The following MGST3 variants were observed in gnomAD, a reference collection of about 807,000 sequenced individuals.
MGST3 encodes glutathione S-transferase 3, mitochondrial.
MGST3 carries 13 observed loss-of-function variants against 15.8 expected under a neutral mutation model. That is an observed-to-expected ratio of 0.82 (90% CI 0.54 to 1.31). The LOEUF (loss-of-function observed/expected upper bound fraction) is 1.31. Ranked by LOEUF, MGST3 falls within the 50% of genes most tolerant of loss-of-function variation. The probability of loss-of-function intolerance (pLI) is 0.00; values close to 1 mark genes in which losing one functional copy is unlikely to be tolerated. For missense variants in MGST3, 155 were observed against 192.4 expected, an observed-to-expected ratio of 0.81 and a Z score of 1.15; for synonymous variants, 49 against 68.1, an observed-to-expected ratio of 0.72 and a Z score of 1.38.
In MGST3 at chr1:165,652,054, G is replaced by A; in HGVS notation, c.249+19G>A. On this transcript the variant is annotated intron_variant, in intron 4 of 5. Transcript: ENST00000367889. ...CCACCCGGTAAGTTTTCCAGGAGGT[G>A]TTCATCTATTTGGATAGTAGTTCAC... 1 of 1,585,316 alleles carries A rather than the reference G, an allele frequency of 6.3e-7. No homozygotes were observed. Among genetic ancestry groups the A allele is most frequent in the Non-Finnish European group, 8.7e-7 (1 of 1,154,034 alleles).
Position 165,645,527 on chromosome 1 carries a change from A to G in MGST3, c.-7-4314A>G, listed in dbSNP as rs563949889. On this transcript the variant is annotated intron_variant, in intron 1 of 5. Transcript: ENST00000367889. The stretch of plus-strand genomic sequence containing the variant: ...ACACTATAATGCTAAAAAGTATAGT[A>G]TAGTAACTACATAAACCAGTAACTG... The G allele has an allele frequency of 2.6e-5, 4 of 152,350 alleles. No individual in the cohort carries two copies. The South Asian group carries it at 8.3e-4, about 32-fold the overall frequency. The allele number at this position is 152,350 out of a possible 1,614,324, so 9.4% of individuals were successfully genotyped here. A position where few individuals can be genotyped will look rare whatever the true frequency, so the allele number is the denominator to read the frequency against.
chr1:165,651,403 T>C (rs1648550542), intron 3 of MGST3: 1 of 427,148 alleles, frequency 2.3e-6, no homozygotes. Flanking sequence ...GAAGAGGTTT[T>C]GAATGCTGTA....
chr1:165,654,174 C>G (rs4147605), intron 4 of MGST3, 105 bp from the exon 5 acceptor site: 247,535 of 1,127,548 alleles, frequency 0.22, 41,949 homozygotes, highest in East Asian at 0.83. Context: ...GCCAAATCAT[C>G]AAATTGTTAA....
intron 1 of MGST3, among the ~76,000 whole-genome samples, chr1:165,633,483 A>T (rs1557989644): frequency 6.6e-6 from 1 of 151,334 alleles, no homozygotes; most frequent in African/African-American, 2.4e-5. Flanking sequence ...TAATTTTTTT[A>T]TTTTTTTATT....
intron 4 of MGST3, 83 bp downstream of exon 4, chr1:165,652,118 T>G: frequency 1.0e-6 from 1 of 982,954 alleles, no homozygotes. Flanking sequence ...AATAAACATT[T>G]AATGAATATC....
chr1:165,645,376 A>G (rs903147197), intron 1 of MGST3, among the ~76,000 whole-genome samples: 4 of 152,118 alleles, frequency 2.6e-5, no homozygotes, highest in African/African-American at 9.7e-5. Flanking sequence ...GGAAGGTCAC[A>G]TGGACACACC....
intron 1 of MGST3, among the ~76,000 whole-genome samples, chr1:165,632,522 A>T (rs1025211139): frequency 1.3e-5 from 2 of 152,252 alleles, no homozygotes; most frequent in African/African-American, 4.8e-5. Context: ...GTTAAAACTA[A>T]CATATAAAAT....
At chr1:165,636,232 G>T (rs2101714160) in intron 1 of MGST3, among the ~76,000 whole-genome samples, 1 of 152,090 alleles carries the variant, frequency 6.6e-6, no homozygotes, top group East Asian at 1.9e-4. Context: ...TTTGAGGTGG[G>T]GTTTCACCAT....
intron 1 of MGST3, among the ~76,000 whole-genome samples, chr1:165,644,351 T>C (rs527869123): frequency 6.6e-6 from 1 of 152,344 alleles, no homozygotes; most frequent in South Asian, 2.1e-4. Flanking sequence ...CTGAATACCA[T>C]AGGCAATTGT....
chr1:165,643,097 A>G (rs1390900961), intron 1 of MGST3, among the ~76,000 whole-genome samples: 3 of 152,094 alleles, frequency 2.0e-5, no homozygotes, highest in African/African-American at 7.2e-5. Flanking sequence ...TACTTTCTTA[A>G]TTTTTTTCTA....
rs1217478477 is a variant in MGST3, at chr1:165,649,911, G to C, written c.64G>C (p.Val22Leu). Residue 22 changes from valine (V) to leucine (L), a missense_variant, in exon 2 of 6, where the codon GTG becomes CTG. Val to Leu is a conservative substitution (Grantham distance 32). Coordinates refer to ENST00000367889, the MANE Select transcript of MGST3 (RefSeq NM_004528.4). ...AACTGGTGCTGCCAGCTTTATAATG[G>C]TGGCCCACCTAGCCATCAATGTTTC... ...LLTGAASFIM[V>L]AHLAINVSKA... 1.2e-6 allele frequency: 2 copies of C among 1,614,172 alleles called. No individual in the cohort carries two copies. The highest frequency in any genetic ancestry group is 1.7e-6 in the Non-Finnish European group (2 of 1,180,024).
intron 1 of MGST3, chr1:165,648,734 AT>A (rs1290103610): frequency 1.3e-5 from 2 of 151,982 alleles, no homozygotes; most frequent in Non-Finnish European, 2.9e-5. Context: ...CTGCATGCCT[AT>A]CCCAAATTCT....
intron 1 of MGST3, chr1:165,632,375 T>G: frequency 7.7e-7 from 1 of 1,302,162 alleles, no homozygotes; most frequent in Non-Finnish European, 1.1e-6. Context: ...AATCTGTAGA[T>G]CACCTGGAGC....
At position 165,651,977 on chromosome 1, in the gene MGST3, G is replaced by T. The variant is rs749452600; in HGVS notation, c.192-1G>T. 1 of 1,611,556 alleles carries T rather than the reference G, an allele frequency of 6.2e-7. No individual in the cohort carries two copies. Among genetic ancestry groups the T allele is most frequent in the Non-Finnish European group, 8.5e-7 (1 of 1,178,542 alleles). On this transcript the variant is annotated splice_acceptor_variant, in intron 3 of 5. Coordinates refer to ENST00000367889, the MANE Select transcript of MGST3 (RefSeq NM_004528.4). LOFTEE classifies it high-confidence loss of function. ...TAAAAGTTTCTTTCTGTCAATTCCA[G>T]GTTGGAAGTGTATCCTCCCTTCTTA...
chr1:165,634,740 G>GCTCT lies in MGST3; in HGVS notation c.-8+3459_-8+3462dup, dbSNP rs370480084. 3.5e-4 allele frequency among the ~76,000 whole-genome samples: 27 copies of GCTCT among 77,896 alleles called. 1 individual carries two copies. Among genetic ancestry groups the GCTCT allele is most frequent in the Admixed American group, 1.3e-3 (10 of 7,584 alleles). The allele number at this position is 77,896 out of a possible 152,430, so 51.1% of individuals were successfully genotyped here. A position where few individuals can be genotyped will look rare whatever the true frequency, so the allele number is the denominator to read the frequency against. On this transcript the variant is annotated intron_variant, in intron 1 of 5. Coordinates refer to ENST00000367889, the MANE Select transcript of MGST3 (RefSeq NM_004528.4). ...CACTCGTGCTCTCTCTCAATCATGCGCTCTCTCTCTCTCTCCCTCCCTCCC... is the reference window on the plus strand; with the variant it reads ...CACTCGTGCTCTCTCTCAATCATGCGCTCTCTCTCTCTCTCTCTCCCTCCCTCCC...
At chr1:165,651,358 C>CT (rs1256991704) in intron 3 of MGST3, 5 of 508,820 alleles carry the variant, frequency 9.8e-6, no homozygotes, top group African/African-American at 9.7e-5. Flanking sequence ...CATGACCCAT[C>CT]TAAACCGATG....
intron 1 of MGST3, chr1:165,649,387 CCTCT>C (rs1411145616): frequency 1.1e-4 from 17 of 161,338 alleles, no homozygotes; most frequent in African/African-American, 3.9e-4. Context: ...CTCCCCACTC[CCTCT>C]CTCTCCCTCT....
At chr1:165,644,639 A>T (rs1268445558) in intron 1 of MGST3, among the ~76,000 whole-genome samples, 1 of 152,244 alleles carries the variant, frequency 6.6e-6, no homozygotes, top group East Asian at 1.9e-4. Context: ...TAATAAGTTA[A>T]ACTAGATTAC....
chr1:165,655,596 CCT>C lies in MGST3; in HGVS notation c.*93_*94del. On this transcript the variant is annotated 3_prime_UTR_variant, in exon 6 of 6. Transcript: ENST00000367889. ...TTTTTCTAAATATAATAAAAACTTA[CCT>C]GGCATCAGCCTCATACCTAAAACTC... The C allele has an allele frequency of 6.7e-7, 1 of 1,485,520 alleles. No homozygotes were observed. The highest frequency in any genetic ancestry group is 9.2e-7 in the Non-Finnish European group (1 of 1,085,614). The allele number at this position is 1,485,520 out of a possible 1,614,324, so 92.0% of individuals were successfully genotyped here.
Sources: gnomAD v4.1 joint callset for allele counts (sites outside exome capture counted in the v4.1 genomes callset) on GRCh38, gnomAD v4.1.1 for gene constraint, MANE v1.5 for transcripts, NCBI Gene and HGNC (gene_info 2026-07-23, HGNC 2026-07-21) for gene names.